The following GFRA2 variants were observed in gnomAD, a reference collection of about 807,000 sequenced individuals.
GFRA2 encodes the protein GDNF family receptor alpha 2.
Under a neutral mutation model 48.3 loss-of-function variants are expected in GFRA2, and 17 were observed. That is an observed-to-expected ratio of 0.35 (90% CI 0.24 to 0.53). The LOEUF is 0.53. Ranked by LOEUF, GFRA2 falls within the 20% of genes least tolerant of loss-of-function variation. GFRA2 has a pLI of 0.93. For missense variants in GFRA2, 660 were observed against 637.3 expected, an observed-to-expected ratio of 1.04 and a Z score of -0.38; for synonymous variants, 305 against 257.2, an observed-to-expected ratio of 1.19 and a Z score of -1.78.
At chr8:21,713,639 A>G (rs552404063) in intron 4 of GFRA2, among the ~76,000 whole-genome samples, 1 of 152,168 alleles carries the variant, frequency 6.6e-6, no homozygotes, top group South Asian at 2.1e-4. Context: ...CTGGTTCTCA[A>G]AGTGTGGTCC....
At chr8:21,783,375 G>A (rs7824258) in intron 1 of GFRA2, among the ~76,000 whole-genome samples, 7,044 of 152,174 alleles carry the variant, frequency 0.046, 214 homozygotes, top group Non-Finnish European at 0.072. Flanking sequence ...TGGATGCAGT[G>A]CGAAGTCATT....
intron 1 of GFRA2, among the ~76,000 whole-genome samples, chr8:21,785,003 C>G (rs981688188): frequency 7.9e-5 from 12 of 152,168 alleles, no homozygotes; most frequent in Non-Finnish European, 1.3e-4. Flanking sequence ...TAACCCTGGG[C>G]CCTCCACTGA....
intron 1 of GFRA2, among the ~76,000 whole-genome samples, chr8:21,809,473 C>T (rs189779928): frequency 4.9e-5 from 7 of 143,938 alleles, no homozygotes; most frequent in African/African-American, 1.4e-4. Context: ...TACAGGCGCC[C>T]GCCACCATGC....
At chr8:21,759,534 GAA>G (rs1319326426) in intron 3 of GFRA2, among the ~76,000 whole-genome samples, 25 of 149,784 alleles carry the variant, frequency 1.7e-4, no homozygotes, top group East Asian at 6.0e-4. Flanking sequence ...AGGAAGGAAG[GAA>G]GGAAGGAGGG....
At chr8:21,713,694 A>T (rs569211047) in intron 4 of GFRA2, among the ~76,000 whole-genome samples, 2 of 152,268 alleles carry the variant, frequency 1.3e-5, no homozygotes, top group South Asian at 4.1e-4. Flanking sequence ...TTAGAAATAT[A>T]GATTCTCTAG....
intron 4 of GFRA2, among the ~76,000 whole-genome samples, chr8:21,710,829 G>C (rs1802986325): frequency 6.6e-6 from 1 of 152,224 alleles, no homozygotes; most frequent in Non-Finnish European, 1.5e-5. Flanking sequence ...TTCCTCCATT[G>C]CGCCATCCTC....
intron 2 of GFRA2, among the ~76,000 whole-genome samples, chr8:21,777,375 T>C (rs2117718408): frequency 6.7e-6 from 1 of 149,760 alleles, no homozygotes; most frequent in East Asian, 2.0e-4. Flanking sequence ...TGGGCCTAGG[T>C]ATAGCTAGGC....
chr8:21,704,391 G>C (rs1419828025), intron 6 of GFRA2, among the ~76,000 whole-genome samples: 3 of 152,196 alleles, frequency 2.0e-5, no homozygotes. Flanking sequence ...CCTCCGTCAG[G>C]CACCTCCTCG....
intron 3 of GFRA2, among the ~76,000 whole-genome samples, chr8:21,755,561 G>A (rs1453879390): frequency 1.3e-5 from 2 of 151,970 alleles, no homozygotes; most frequent in South Asian, 4.2e-4. Context: ...AGGGACGGAG[G>A]AGCAGCCCAT....
chr8:21,750,991 G>C lies in GFRA2; in HGVS notation c.440-49C>G, dbSNP rs1291322878. On this transcript the variant is annotated intron_variant, in intron 3 of 8. Transcript: ENST00000524240. This position sits in a 1 kb window ranked among gnomAD's most constrained non-coding sequence, Gnocchi z 5.7. ...GTCAGAGGCCACACAAGCATGAGGAGGACACAGCTGCCCCCTCACTGGAAG... is the reference window on the plus strand; with the variant it reads ...GTCAGAGGCCACACAAGCATGAGGACGACACAGCTGCCCCCTCACTGGAAG... 1 of 1,227,854 alleles carries C rather than the reference G, an allele frequency of 8.1e-7. No individual in the cohort carries two copies. The highest frequency in any genetic ancestry group is 2.0e-5 in the Admixed American group (1 of 49,838). 76.1% of individuals were successfully genotyped at this position (1,227,854 alleles called of 1,614,324 possible). A position where few individuals can be genotyped will look rare whatever the true frequency, so the allele number is the denominator to read the frequency against.
chr8:21,746,218 C>A (rs1804996337), intron 4 of GFRA2, among the ~76,000 whole-genome samples: 1 of 152,206 alleles, frequency 6.6e-6, no homozygotes, highest in Non-Finnish European at 1.5e-5. Flanking sequence ...CCTGCAGTGT[C>A]TGTGCATCTC....
At chr8:21,739,709 G>C (rs1260096649) in intron 4 of GFRA2, among the ~76,000 whole-genome samples, 1 of 151,856 alleles carries the variant, frequency 6.6e-6, no homozygotes, top group African/African-American at 2.4e-5. Flanking sequence ...GGCTGCCACG[G>C]GAAAGGCCAC....
chr8:21,702,950 C>A lies in GFRA2; in HGVS notation c.1073G>T (p.Gly358Val). ...TTTTGGGGACACGTTCACGTCCGTG[C>A]CGTTGCCAAAGGCCTGGATGGCGTT... ...LRNAIQAFGN[G>V]TDVNVSPKGP... Residue 358 changes from glycine (G) to valine (V), a missense_variant, in exon 7 of 9, where the codon GGC (glycine) becomes GTC (valine). Transcript: ENST00000524240. 6.5e-7 allele frequency: 1 copy of A among 1,545,512 alleles called. No homozygotes were observed. The highest frequency in any genetic ancestry group is 8.7e-7 in the Non-Finnish European group (1 of 1,152,202).
At chr8:21,751,334 C>G (rs1290630235) in intron 3 of GFRA2, among the ~76,000 whole-genome samples, 1 of 152,074 alleles carries the variant, frequency 6.6e-6, no homozygotes, top group Non-Finnish European at 1.5e-5. Context: ...CCCCGTGCAC[C>G]CACCAGCAGG....
At chr8:21,806,694 T>A (rs73219564) in intron 1 of GFRA2, among the ~76,000 whole-genome samples, 1,931 of 152,322 alleles carry the variant, frequency 0.013, 29 homozygotes, top group South Asian at 0.048. Context: ...CTTGAACTCC[T>A]CCGTTCAAGT....
chr8:21,777,668 G>C (rs1286858374), intron 2 of GFRA2, among the ~76,000 whole-genome samples: 5 of 152,206 alleles, frequency 3.3e-5, no homozygotes, highest in African/African-American at 7.2e-5. Flanking sequence ...ATGCAGCCAA[G>C]AGTGGCAGCC....
chr8:21,765,048 T>C (rs1316888320), intron 3 of GFRA2, among the ~76,000 whole-genome samples: 1 of 152,180 alleles, frequency 6.6e-6, no homozygotes, highest in African/African-American at 2.4e-5. Context: ...TGGCTTGACT[T>C]CTGGGCTGCA....
At chr8:21,779,040 A>T (rs34100324) in intron 2 of GFRA2, among the ~76,000 whole-genome samples, 68,372 of 146,966 alleles carry the variant, frequency 0.47, 17,459 homozygotes, top group African/African-American at 0.7. Context: ...ATCTCTACTT[A>T]AAAAAAAAAA....
chr8:21,697,601 C>A (rs936517633), intron 7 of GFRA2, among the ~76,000 whole-genome samples: 2 of 152,152 alleles, frequency 1.3e-5, no homozygotes, highest in Non-Finnish European at 2.9e-5. Context: ...TTCAGTGCCT[C>A]CCTGCCCTCC....
Sources: allele counts gnomAD v4.1 joint callset (sites outside exome capture counted in the v4.1 genomes callset), GRCh38; gene constraint gnomAD v4.1.1; non-coding constraint Gnocchi (gnomAD v3.1); transcripts MANE v1.5; gene names NCBI Gene and HGNC (gene_info 2026-07-23, HGNC 2026-07-21).